The following IQSEC3 variants were observed in gnomAD, a reference collection of about 807,000 sequenced individuals.
IQSEC3 encodes the protein IQ motif and Sec7 domain ArfGEF 3.
IQSEC3 carries 50 observed loss-of-function variants against 105.4 expected under a neutral mutation model. The observed-to-expected ratio is 0.47, with a 90% CI of 0.38 to 0.60. The LOEUF (loss-of-function observed/expected upper bound fraction) is 0.60, where lower values mean the gene tolerates loss of function less well. IQSEC3 is among the 20% of genes least tolerant of loss of function. The probability of loss-of-function intolerance (pLI) is 0.00; values close to 1 mark genes in which losing one functional copy is unlikely to be tolerated. For synonymous variants in IQSEC3, 708 were observed against 746.0 expected (o/e 0.95, Z 0.83); for missense variants, 1,415 against 1,630.0 (o/e 0.87, Z 2.27).
chr12:168,931 C>T, intron 11 of IQSEC3, 82 bp from the exon 12 acceptor site: 3 of 1,170,362 alleles, frequency 2.6e-6, no homozygotes, highest in South Asian at 1.2e-5. Flanking sequence ...CCTCCCCTTT[C>T]TGCTGGCCCC....
intron 2 of IQSEC3, among the ~76,000 whole-genome samples, chr12:108,793 T>C (rs1864770863): frequency 6.6e-6 from 1 of 152,246 alleles, no homozygotes; most frequent in African/African-American, 2.4e-5. Context: ...TGCCAGCCTG[T>C]GGTGCCTTCC....
intron 1 of IQSEC3, among the ~76,000 whole-genome samples, chr12:68,461 T>C (rs1361816342): frequency 6.6e-5 from 10 of 152,110 alleles, no homozygotes; most frequent in African/African-American, 2.4e-4. Context: ...TCAAGCTCTT[T>C]CTTCACTCAG....
intron 1 of IQSEC3, among the ~76,000 whole-genome samples, chr12:85,949 C>T (rs781856462): frequency 6.6e-6 from 1 of 152,158 alleles, no homozygotes; most frequent in Non-Finnish European, 1.5e-5. Flanking sequence ...CCTTAGGAAT[C>T]GGGATTTATT....
chr12:95,253 G>A (rs1408373251), intron 1 of IQSEC3, among the ~76,000 whole-genome samples: 4 of 152,236 alleles, frequency 2.6e-5, no homozygotes, highest in South Asian at 4.1e-4. Context: ...TGTAAAATGA[G>A]GGCTCAGATT....
intron 3 of IQSEC3, among the ~76,000 whole-genome samples, chr12:131,268 C>T (rs1449535476): frequency 6.6e-6 from 1 of 152,224 alleles, no homozygotes; most frequent in African/African-American, 2.4e-5. Context: ...GGGGGCGAGG[C>T]CATCATTCCT....
At chr12:170,339 C>T (rs1441597007) in intron 12 of IQSEC3, among the ~76,000 whole-genome samples, 1 of 150,992 alleles carries the variant, frequency 6.6e-6, no homozygotes, top group East Asian at 2.0e-4. Flanking sequence ...AGCTGCCCGC[C>T]CTGGTTAGGC....
At chr12:86,864 G>A (rs1555072194) in intron 1 of IQSEC3, among the ~76,000 whole-genome samples, 1 of 152,018 alleles carries the variant, frequency 6.6e-6, no homozygotes, top group African/African-American at 2.4e-5. Context: ...CCATCTTTTG[G>A]AAGGGCAAGG....
chr12:133,731 G>A (rs1441536788), intron 3 of IQSEC3, among the ~76,000 whole-genome samples: 2 of 151,684 alleles, frequency 1.3e-5, no homozygotes, highest in African/African-American at 4.8e-5. Context: ...GTGAGGCAGA[G>A]GTTAGTGTTC....
chr12:160,822 TC>T (rs1866862251), intron 7 of IQSEC3, among the ~76,000 whole-genome samples: 1 of 152,200 alleles, frequency 6.6e-6, no homozygotes, highest in Non-Finnish European at 1.5e-5. Flanking sequence ...GCTAAATCCA[TC>T]CACTTATTTA....
intron 8 of IQSEC3, 113 bp downstream of exon 8, chr12:162,178 T>A (rs941951262): frequency 2.5e-5 from 30 of 1,222,006 alleles, no homozygotes; most frequent in Non-Finnish European, 1.4e-5. Flanking sequence ...TTCATTCACA[T>A]GATAGTTATG....
At chr12:99,040 C>A (rs556159924) in intron 1 of IQSEC3, 106 bp from the exon 2 acceptor site, 3 of 983,296 alleles carry the variant, frequency 3.1e-6, no homozygotes, top group South Asian at 1.6e-5. Flanking sequence ...CTCAAAAGGG[C>A]GGGGGTAGGA....
chr12:128,642 C>T (rs570646121), intron 3 of IQSEC3, among the ~76,000 whole-genome samples: 1 of 152,248 alleles, frequency 6.6e-6, no homozygotes, highest in African/African-American at 2.4e-5. Context: ...TAGCCCCAAG[C>T]CCCACTGATG....
chr12:85,012 G>A (rs573628795), intron 1 of IQSEC3, among the ~76,000 whole-genome samples: 247 of 152,232 alleles, frequency 1.6e-3, no homozygotes, highest in African/African-American at 4.6e-3. Context: ...TCAAACCTCC[G>A]TTAGCCTCAA....
At chr12:161,867 G>A in intron 7 of IQSEC3, 59 bp from the exon 8 acceptor site, 1 of 1,493,066 alleles carries the variant, frequency 6.7e-7, no homozygotes, top group South Asian at 1.3e-5. Context: ...TCTGGCTCCA[G>A]GGCTCTGACA....
intron 1 of IQSEC3, among the ~76,000 whole-genome samples, chr12:87,103 G>T (rs1237596962): frequency 2.0e-5 from 3 of 152,102 alleles, no homozygotes; most frequent in African/African-American, 7.2e-5. Flanking sequence ...ACAGATCTCT[G>T]TTTTGCTCAG....
chr12:141,440 T>C (rs1379348880), intron 5 of IQSEC3, 155 bp downstream of exon 5: 2 of 759,462 alleles, frequency 2.6e-6, no homozygotes, highest in South Asian at 2.0e-5. Context: ...CTTTAGCCCA[T>C]CACCCCAGTG....
chr12:99,017 T>G (rs1555075389), intron 1 of IQSEC3, 129 bp from the exon 2 acceptor site: 1 of 777,826 alleles, frequency 1.3e-6, no homozygotes, highest in Non-Finnish European at 2.0e-6. Flanking sequence ...GCTGCCTGAT[T>G]TTTACACAGG....
Position 107,690 on chromosome 12 carries a change from G to A in IQSEC3, c.623+8476G>A, listed in dbSNP as rs907301892. On this transcript the variant is annotated intron_variant, in intron 2 of 13. Coordinates refer to ENST00000538872, the MANE Select transcript of IQSEC3 (RefSeq NM_001170738.2). ...CTCCCAAAGTGCTGGGATTACAGGC[G>A]TGAGCCACCGCGCCCGGCCGGTAGT... 1.4e-4 allele frequency among the ~76,000 whole-genome samples: 21 copies of A among 152,182 alleles called. 1 individual carries two copies. Among genetic ancestry groups the A allele is most frequent in the Admixed American group, 2.6e-4 (4 of 15,298 alleles).
chr12:81,871 A>G (rs1329761685), intron 1 of IQSEC3, among the ~76,000 whole-genome samples: 2 of 152,190 alleles, frequency 1.3e-5, no homozygotes, highest in Non-Finnish European at 2.9e-5. Flanking sequence ...AGCCAGGAGA[A>G]GCACCTAGTG....
Sources: allele counts gnomAD v4.1 joint callset (sites outside exome capture counted in the v4.1 genomes callset), GRCh38; gene constraint gnomAD v4.1.1; transcripts MANE v1.5; gene names NCBI Gene and HGNC (gene_info 2026-07-23, HGNC 2026-07-21).